The following GPD2 variants were observed in gnomAD, a reference collection of about 807,000 sequenced individuals.
GPD2 encodes the protein glycerol-3-phosphate dehydrogenase, mitochondrial.
A neutral mutation model predicts 82.4 loss-of-function variants in GPD2; 54 were observed. The observed-to-expected ratio is 0.66, with a 90% CI of 0.53 to 0.82. The LOEUF is 0.82. GPD2 is among the 40% of genes least tolerant of loss of function. The probability of loss-of-function intolerance (pLI) is 0.00; values close to 1 mark genes in which losing one functional copy is unlikely to be tolerated. For synonymous variants in GPD2, 288 were observed against 306.1 expected, an observed-to-expected ratio of 0.94 and a Z score of 0.62; for missense variants, 748 against 896.2, an observed-to-expected ratio of 0.83 and a Z score of 2.11.
At chr2:156,531,829 G>A (rs893385162) in intron 6 of GPD2, among the ~76,000 whole-genome samples, 6 of 152,162 alleles carry the variant, frequency 3.9e-5, no homozygotes, top group African/African-American at 1.2e-4. Flanking sequence ...TAGGACAAAT[G>A]GAGGGCCACA....
At chr2:156,498,405 A>T (rs80121439) in intron 3 of GPD2, among the ~76,000 whole-genome samples, 3,162 of 152,312 alleles carry the variant, frequency 0.021, 57 homozygotes, top group South Asian at 0.056. Flanking sequence ...CAGGAGTGGG[A>T]AACTTTACTT....
At chr2:156,459,376 T>A (rs1682902796) in intron 1 of GPD2, among the ~76,000 whole-genome samples, 2 of 151,832 alleles carry the variant, frequency 1.3e-5, no homozygotes, top group Admixed American at 1.3e-4. Context: ...GGGTTATGGG[T>A]CCAGCAGTAC....
At position 156,563,408 on chromosome 2, in the gene GPD2, G is replaced by A. The variant is rs1687247878; in HGVS notation, c.1166-5417G>A. On this transcript the variant is annotated intron_variant, in intron 9 of 16. Transcript: ENST00000438166. ...AAAAATTTGAGCTGTAAAGCATAGA[G>A]GCCATGAGTTATGTTATTTTCTTCA... is the stretch of plus-strand genomic sequence containing the variant. Among the ~76,000 whole-genome samples the A allele has an allele frequency of 2.0e-5, 3 of 152,076 alleles. No individual in the cohort carries two copies. The South Asian group carries it at 6.2e-4, about 32-fold the overall frequency.
the GPD2 span, among the ~76,000 whole-genome samples, chr2:156,401,365 A>G: frequency 6.7e-6 from 1 of 150,306 alleles, no homozygotes; most frequent in African/African-American, 2.4e-5. Context: ...AAACATTAAC[A>G]TTTACAAAAA....
upstream of GPD2, among the ~76,000 whole-genome samples, chr2:156,431,358 T>C (rs1462890276): frequency 2.0e-5 from 3 of 152,266 alleles, no homozygotes; most frequent in African/African-American, 7.2e-5. Flanking sequence ...TCCTTTCTCA[T>C]AACCCCACTT....
At chr2:156,454,695 G>A (rs1381693470) in intron 1 of GPD2, among the ~76,000 whole-genome samples, 1 of 152,114 alleles carries the variant, frequency 6.6e-6, no homozygotes, top group Non-Finnish European at 1.5e-5. Context: ...GGGCAGAGTG[G>A]GAGGGAGGGA....
At chr2:156,556,047 C>T (rs1686949026) in intron 8 of GPD2, among the ~76,000 whole-genome samples, 1 of 152,040 alleles carries the variant, frequency 6.6e-6, no homozygotes, top group Non-Finnish European at 1.5e-5. Context: ...GTTAAGCTGC[C>T]TATATGTTTC....
intron 6 of GPD2, among the ~76,000 whole-genome samples, chr2:156,529,327 T>C (rs1685746630): frequency 6.8e-6 from 1 of 146,420 alleles, no homozygotes; most frequent in Admixed American, 6.9e-5. Flanking sequence ...CATTGTAGAT[T>C]CTGGATATTA....
chr2:156,549,809 A>G (rs1686690899), intron 7 of GPD2, 37 bp downstream of exon 7: 1 of 1,472,694 alleles, frequency 6.8e-7, no homozygotes, highest in Non-Finnish European at 9.5e-7. Flanking sequence ...ATTTCTTAGT[A>G]TCTTGCCTAG....
At chr2:156,443,385 C>T (rs1055613839) in intron 1 of GPD2, among the ~76,000 whole-genome samples, 1 of 152,104 alleles carries the variant, frequency 6.6e-6, no homozygotes, top group African/African-American at 2.4e-5. Context: ...TGGGTGACAC[C>T]TAGTAAGCAG....
At chr2:156,483,587 A>G (rs1295955956) in intron 2 of GPD2, among the ~76,000 whole-genome samples, 1 of 152,260 alleles carries the variant, frequency 6.6e-6, no homozygotes. Flanking sequence ...TATATTGATG[A>G]CTAAACAGAT....
intron 8 of GPD2, among the ~76,000 whole-genome samples, 154 bp downstream of exon 8, chr2:156,550,900 A>G (rs1406357780): frequency 1.3e-5 from 2 of 152,198 alleles, no homozygotes; most frequent in Non-Finnish European, 2.9e-5. Context: ...AACACAAAAT[A>G]CAAACCAGAC....
upstream of GPD2, among the ~76,000 whole-genome samples, chr2:156,432,840 T>C (rs539810419): frequency 6.6e-6 from 1 of 152,244 alleles, no homozygotes; most frequent in Non-Finnish European, 1.5e-5. Context: ...CAGAGTAAAT[T>C]GTATGCTGAT....
chr2:156,530,940 C>T (rs1176225584), intron 6 of GPD2, among the ~76,000 whole-genome samples: 1 of 152,178 alleles, frequency 6.6e-6, no homozygotes, highest in African/African-American at 2.4e-5. Context: ...GATTCTCCCA[C>T]CTCAGTCTCC....
Position 156,521,444 on chromosome 2 carries a change from A to G in GPD2, c.661+7948A>G, listed in dbSNP as rs3769350. On this transcript the variant is annotated intron_variant, in intron 6 of 16. Transcript: ENST00000438166. Reference sequence around the variant, plus strand: ...GACACCTAATTCACAGGCTGTTTTGATATTTAAATGAACTACTATAATAAA... The same window carrying G: ...GACACCTAATTCACAGGCTGTTTTGGTATTTAAATGAACTACTATAATAAA... Among the ~76,000 whole-genome samples, 315 of 152,328 alleles carry G rather than the reference A, an allele frequency of 2.1e-3. 4 individuals carry two copies. The East Asian group carries it at 0.037, about 18-fold the overall frequency.
the GPD2 span, among the ~76,000 whole-genome samples, chr2:156,402,663 T>C: frequency 6.6e-6 from 1 of 152,042 alleles, no homozygotes; most frequent in Non-Finnish European, 1.5e-5. Context: ...TTTATTTATT[T>C]ATTTGTTTGT....
intron 6 of GPD2, among the ~76,000 whole-genome samples, chr2:156,531,581 C>T (rs937315190): frequency 3.9e-5 from 6 of 152,252 alleles, no homozygotes; most frequent in Admixed American, 3.9e-4. Flanking sequence ...AGGCTGAGGC[C>T]ACAGATGTCG....
At chr2:156,429,861 A>G in the GPD2 span, among the ~76,000 whole-genome samples, 6 of 152,172 alleles carry the variant, frequency 3.9e-5, no homozygotes, top group African/African-American at 1.4e-4. Flanking sequence ...TTAAGATCCC[A>G]AAGTGATTGG....
intron 13 of GPD2, among the ~76,000 whole-genome samples, chr2:156,572,946 C>T (rs968240880): frequency 2.6e-5 from 4 of 152,112 alleles, no homozygotes; most frequent in African/African-American, 7.2e-5. Flanking sequence ...TGGTGGGGGC[C>T]TGTGTCCTAG....
Sources: allele counts gnomAD v4.1 joint callset (sites outside exome capture counted in the v4.1 genomes callset), GRCh38; gene constraint gnomAD v4.1.1; transcripts MANE v1.5; gene names NCBI Gene and HGNC (gene_info 2026-07-23, HGNC 2026-07-21).